CHRM3: variants seen among roughly 807,000 people sequenced by gnomAD.
CHRM3 encodes the protein muscarinic acetylcholine receptor M3.
In CHRM3, 11 loss-of-function variants were observed where a neutral mutation model predicts 41.8. The ratio of observed to expected loss-of-function variants is 0.26; its 90% CI spans 0.17 to 0.44. The LOEUF is 0.44. Among genes scored for constraint, CHRM3 ranks in the 20% least tolerant of loss-of-function variants. CHRM3 has a pLI of 1.00. For synonymous variants in CHRM3, 297 were observed against 301.4 expected (o/e 0.99, Z 0.15); for missense variants, 571 against 745.4 (o/e 0.77, Z 2.72).
chr1:239,426,598 ATTTG>A (rs1403365459), intron 1 of CHRM3, among the ~76,000 whole-genome samples: 3 of 152,096 alleles, frequency 2.0e-5, no homozygotes, highest in African/African-American at 7.2e-5. Flanking sequence ...ACAGAGAGCT[ATTTG>A]TTAGACCTAT....
intron 5 of CHRM3, among the ~76,000 whole-genome samples, chr1:239,800,168 C>T (rs988760009): frequency 6.6e-6 from 1 of 152,078 alleles, no homozygotes; most frequent in Non-Finnish European, 1.5e-5. Flanking sequence ...ATTATCTTCA[C>T]TGTTTTAAGC....
chr1:239,907,530 G>C lies in CHRM3; in HGVS notation c.79G>C (p.Ala27Pro), dbSNP rs201891859. Residue 27 changes from alanine (A) to proline (P), a missense_variant, in exon 7 of 7, where the codon GCA becomes CCA. By Grantham distance (27) the Ala-to-Pro change is conservative. Coordinates refer to ENST00000676153, the MANE Select transcript of CHRM3 (RefSeq NM_001375978.1). This position sits in a 1 kb window ranked among gnomAD's most constrained non-coding sequence, Gnocchi z 5.4. ...CTCCTGGATACACAGCCCCTCCGAT[G>C]CAGGGCTGCCCCCGGGAACCGTCAC... ...SSSWIHSPSD[A>P]GLPPGTVTHF... 1.2e-6 allele frequency: 2 copies of C among 1,614,036 alleles called. No homozygotes were observed. Among genetic ancestry groups the C allele is most frequent in the Admixed American group, 3.3e-5 (2 of 59,980 alleles).
intron 1 of CHRM3, among the ~76,000 whole-genome samples, chr1:239,483,847 T>C (rs1233771865): frequency 6.6e-6 from 1 of 152,188 alleles, no homozygotes; most frequent in East Asian, 1.9e-4. Context: ...AATTTGATAT[T>C]GCAGCAAGTG....
intron 1 of CHRM3, among the ~76,000 whole-genome samples, chr1:239,473,692 G>A (rs150292102): frequency 2.6e-5 from 4 of 152,070 alleles, no homozygotes; most frequent in Non-Finnish European, 4.4e-5. Context: ...AATCCTGTTC[G>A]CTGTGACACC....
chr1:239,462,431 T>G (rs1008296383), intron 1 of CHRM3, among the ~76,000 whole-genome samples: 6 of 152,224 alleles, frequency 3.9e-5, no homozygotes, highest in Non-Finnish European at 7.3e-5. Flanking sequence ...TTTTTCATAT[T>G]GTTGTTCTTC....
At chr1:239,616,118 G>A (rs1406442941) in intron 3 of CHRM3, among the ~76,000 whole-genome samples, 1 of 152,204 alleles carries the variant, frequency 6.6e-6, no homozygotes. Context: ...CAATCCGCAA[G>A]TTGTAAACAC....
chr1:239,780,540 C>T (rs572891854), intron 5 of CHRM3, among the ~76,000 whole-genome samples: 20 of 152,156 alleles, frequency 1.3e-4, no homozygotes, highest in African/African-American at 3.9e-4. Context: ...ATGTGTTTTG[C>T]AAATATTTTC....
At chr1:239,648,821 C>T (rs929517709) in intron 4 of CHRM3, among the ~76,000 whole-genome samples, 1 of 152,060 alleles carries the variant, frequency 6.6e-6, no homozygotes, top group East Asian at 1.9e-4. Flanking sequence ...GAAGCAGATT[C>T]AAACAGATTG....
chr1:239,681,778 A>G (rs762362630), intron 5 of CHRM3, among the ~76,000 whole-genome samples: 9 of 152,168 alleles, frequency 5.9e-5, no homozygotes, highest in Non-Finnish European at 1.0e-4. Flanking sequence ...GCACACCTGT[A>G]GTCCTAAATA....
At chr1:239,491,953 C>T (rs1301994371) in intron 1 of CHRM3, among the ~76,000 whole-genome samples, 3 of 152,144 alleles carry the variant, frequency 2.0e-5, no homozygotes, top group Non-Finnish European at 4.4e-5. Flanking sequence ...TCACACACTC[C>T]TGTGGGCCAG....
At chr1:239,539,081 A>G (rs1320568549) in intron 2 of CHRM3, among the ~76,000 whole-genome samples, 1 of 152,196 alleles carries the variant, frequency 6.6e-6, no homozygotes, top group Non-Finnish European at 1.5e-5. Flanking sequence ...TGTGCTTAAG[A>G]CATGGCTTTG....
chr1:239,764,834 G>A (rs1371778091), intron 5 of CHRM3, among the ~76,000 whole-genome samples: 1 of 152,210 alleles, frequency 6.6e-6, no homozygotes. Flanking sequence ...CTTCCACATA[G>A]TTACTATTCA....
intron 1 of CHRM3, among the ~76,000 whole-genome samples, chr1:239,468,263 G>A (rs1184558433): frequency 1.3e-5 from 2 of 152,088 alleles, no homozygotes; most frequent in Non-Finnish European, 2.9e-5. Context: ...GATATATCAA[G>A]CTATAAGATG....
intron 1 of CHRM3, among the ~76,000 whole-genome samples, chr1:239,446,522 A>G (rs1215578668): frequency 6.6e-6 from 1 of 152,216 alleles, no homozygotes; most frequent in African/African-American, 2.4e-5. Flanking sequence ...CAAAAACACT[A>G]CAACTTAGAA....
chr1:239,542,487 A>C (rs1255885974), intron 2 of CHRM3, among the ~76,000 whole-genome samples: 1 of 152,170 alleles, frequency 6.6e-6, no homozygotes, highest in Non-Finnish European at 1.5e-5. Flanking sequence ...GAGAGAAAGC[A>C]AGCTGGGCAG....
intron 1 of CHRM3, among the ~76,000 whole-genome samples, chr1:239,486,734 A>G (rs1483829986): frequency 6.6e-6 from 1 of 151,954 alleles, no homozygotes; most frequent in Non-Finnish European, 1.5e-5. Context: ...ATCTTCCCCT[A>G]CCTCTGTGTT....
chr1:239,457,157 T>C (rs991415746), intron 1 of CHRM3, among the ~76,000 whole-genome samples: 2 of 152,194 alleles, frequency 1.3e-5, no homozygotes, highest in African/African-American at 2.4e-5. Flanking sequence ...CAGGTCCCTA[T>C]TGGCCCCTTT....
intron 4 of CHRM3, among the ~76,000 whole-genome samples, chr1:239,658,034 G>T (rs1364659544): frequency 2.0e-5 from 3 of 152,062 alleles, no homozygotes; most frequent in Non-Finnish European, 4.4e-5. Context: ...TGCCTTTCTT[G>T]TTAATTTTAA....
intron 2 of CHRM3, among the ~76,000 whole-genome samples, chr1:239,543,095 T>C (rs1025662733): frequency 2.6e-5 from 4 of 152,200 alleles, no homozygotes; most frequent in African/African-American, 9.6e-5. Context: ...GGAAGACTGG[T>C]TGTCTCAGTT....
Sources: allele counts gnomAD v4.1 joint callset (sites outside exome capture counted in the v4.1 genomes callset), GRCh38; gene constraint gnomAD v4.1.1; non-coding constraint Gnocchi (gnomAD v3.1); transcripts MANE v1.5; gene names NCBI Gene and HGNC (gene_info 2026-07-23, HGNC 2026-07-21).